The following NF1 variants were observed in gnomAD, a reference collection of about 807,000 sequenced individuals.
The protein encoded by NF1 is neurofibromin.
Under a neutral mutation model 325.7 loss-of-function variants are expected in NF1, and 122 were observed. The ratio of observed to expected loss-of-function variants is 0.37; its 90% CI spans 0.32 to 0.44. The LOEUF is 0.44. Ranked by LOEUF, NF1 falls within the 20% of genes least tolerant of loss-of-function variation. The pLI is 1.00. For synonymous variants in NF1, 1,091 were observed against 1,186.0 expected (o/e 0.92, Z 1.65); for missense variants, 2,140 against 3,415.4 (o/e 0.63, Z 9.31).
chr17:31,236,045 C>A (rs1396115356), intron 29 of NF1, 24 bp downstream of exon 29: 3 of 1,548,436 alleles, frequency 1.9e-6, no homozygotes, highest in Non-Finnish European at 2.6e-6. Context: ...TCACATAGAA[C>A]CGCTGTTTTT....
intron 1 of NF1, among the ~76,000 whole-genome samples, chr17:31,121,395 CTTTTTTT>C (rs71142019): frequency 9.7e-5 from 9 of 92,528 alleles, no homozygotes; most frequent in Non-Finnish European, 1.4e-4. Context: ...AATCACTATT[CTTTTTTT>C]TTTTTTTTTT....
At chr17:31,103,434 A>G (rs1166430864) in intron 1 of NF1, among the ~76,000 whole-genome samples, 1 of 151,868 alleles carries the variant, frequency 6.6e-6, no homozygotes, top group African/African-American at 2.4e-5. Flanking sequence ...TAGTAGAGGC[A>G]GGGTTTTACC....
chr17:31,373,954 A>C, intron 57 of NF1, 59 bp from the exon 58 acceptor site: 4 of 1,608,014 alleles, frequency 2.5e-6, no homozygotes. Flanking sequence ...ACATGACTGC[A>C]ATGAAATTCA....
At chr17:31,278,416 T>TG (rs1410100975) in intron 36 of NF1, among the ~76,000 whole-genome samples, 1 of 141,872 alleles carries the variant, frequency 7.0e-6, no homozygotes, top group Non-Finnish European at 1.5e-5. Context: ...GGTTTTTTTT[T>TG]TTTTTTTTTT....
chr17:31,229,239 G>T lies in NF1; in HGVS notation c.2624G>T (p.Gly875Val), dbSNP rs1060500361. 4 of 1,612,544 alleles carry T rather than the reference G, an allele frequency of 2.5e-6. No homozygotes were observed. The South Asian group carries it at 4.4e-5, about 18-fold the overall frequency. Residue 875 changes from glycine (G) to valine (V), a missense_variant, in exon 21 of 58, where the codon GGT (glycine) becomes GTT (valine). Coordinates refer to ENST00000358273, the MANE Select transcript of NF1 (RefSeq NM_001042492.3). ...ATGGGTCCAGTCAGTGAACGTAAGG[G>T]TTCTATGATTTCAGTGATGTCTTCA... ...PPMGPVSERK[G>V]SMISVMSSEG...
intron 51 of NF1, among the ~76,000 whole-genome samples, chr17:31,355,131 T>G (rs1462800634): frequency 6.6e-6 from 1 of 152,206 alleles, no homozygotes; most frequent in Non-Finnish European, 1.5e-5. Flanking sequence ...TAGAATTGAT[T>G]AGCTCACAGA....
In NF1 at chr17:31,201,493, CA is replaced by C; in HGVS notation, c.1260+12del. The C allele has an allele frequency of 6.2e-7, 1 of 1,601,312 alleles. No homozygotes were observed. Among genetic ancestry groups the C allele is most frequent in the South Asian group, 1.1e-5 (1 of 89,596 alleles). On this transcript the variant is annotated intron_variant, in intron 11 of 57. Coordinates refer to ENST00000358273, the MANE Select transcript of NF1 (RefSeq NM_001042492.3). ...CATCGAATCATCACCAATGTAAGTC[CA>C]AAAGGTATTGCTAAATTACTAAAAA... is the stretch of plus-strand genomic sequence containing the variant.
At chr17:31,247,363 T>C (rs1016616739) in intron 29 of NF1, among the ~76,000 whole-genome samples, 1 of 152,080 alleles carries the variant, frequency 6.6e-6, no homozygotes, top group Non-Finnish European at 1.5e-5. Flanking sequence ...ATCAGTTAAT[T>C]TGGGGCATAC....
At chr17:31,329,417 G>C (rs535384055) in intron 38 of NF1, among the ~76,000 whole-genome samples, 1 of 152,322 alleles carries the variant, frequency 6.6e-6, no homozygotes, top group Admixed American at 6.5e-5. Context: ...CCTTTAGGCA[G>C]ACTTAAATTC....
intron 14 of NF1, among the ~76,000 whole-genome samples, chr17:31,221,086 TG>T (rs2066913139): frequency 1.3e-5 from 2 of 152,074 alleles, no homozygotes; most frequent in Admixed American, 1.3e-4. Flanking sequence ...CAGTTTCTGC[TG>T]GGTTGGGGGT....
intron 17 of NF1, 122 bp downstream of exon 17, chr17:31,225,372 T>C: frequency 9.2e-7 from 1 of 1,083,094 alleles, no homozygotes; most frequent in East Asian, 2.4e-5. Context: ...AGAATCTAGT[T>C]CTATTACTGC....
intron 36 of NF1, chr17:31,320,431 T>C (rs771691998): frequency 1.4e-5 from 23 of 1,610,930 alleles, no homozygotes; most frequent in Non-Finnish European, 2.0e-5. Flanking sequence ...CTAAGCAACA[T>C]GGATGCCACT....
chr17:31,331,904 T>TTAAA (rs1379258709), intron 39 of NF1: 3 of 42,880 alleles, frequency 7.0e-5, no homozygotes, highest in Non-Finnish European at 7.4e-5. Flanking sequence ...CCTTCTCTAT[T>TTAAA]AAAAAAAAAA....
At chr17:31,283,429 A>G (rs75431503) in intron 36 of NF1, among the ~76,000 whole-genome samples, 1 of 146,844 alleles carries the variant, frequency 6.8e-6, no homozygotes, top group Non-Finnish European at 1.5e-5. Context: ...AAAAACAAAC[A>G]AAAAAAAACA....
At chr17:31,327,222 A>G (rs1456453725) in intron 37 of NF1, among the ~76,000 whole-genome samples, 1 of 152,190 alleles carries the variant, frequency 6.6e-6, no homozygotes, top group Non-Finnish European at 1.5e-5. Context: ...TCGGCCTCCC[A>G]AAGTGCTGGG....
chr17:31,199,613 A>G (rs1391269129), intron 8 of NF1, among the ~76,000 whole-genome samples: 2 of 152,194 alleles, frequency 1.3e-5, no homozygotes, highest in South Asian at 2.1e-4. Context: ...AAAGGAAGAC[A>G]TTTGTTAATG....
intron 4 of NF1, among the ~76,000 whole-genome samples, chr17:31,165,784 G>A (rs1258295486): frequency 2.0e-5 from 3 of 152,150 alleles, no homozygotes; most frequent in African/African-American, 7.2e-5. Flanking sequence ...CGACCTCCTG[G>A]GCTCAAGAGA....
intron 14 of NF1, among the ~76,000 whole-genome samples, chr17:31,221,529 A>G (rs1413686390): frequency 6.6e-6 from 1 of 152,066 alleles, no homozygotes; most frequent in Non-Finnish European, 1.5e-5. Flanking sequence ...GAGTTCTTTA[A>G]TATCTATTGA....
chr17:31,164,757 T>A (rs1237210412), intron 4 of NF1, among the ~76,000 whole-genome samples: 2 of 152,208 alleles, frequency 1.3e-5, no homozygotes, highest in Non-Finnish European at 2.9e-5. Context: ...ATAATTAAGA[T>A]CCTAGGCAGC....
Sources: gnomAD v4.1 joint callset for allele counts (sites outside exome capture counted in the v4.1 genomes callset) on GRCh38, gnomAD v4.1.1 for gene constraint, MANE v1.5 for transcripts, NCBI Gene and HGNC (gene_info 2026-07-23, HGNC 2026-07-21) for gene names.